NIPBL: variants seen among roughly 807,000 people sequenced by gnomAD.
NIPBL encodes the protein nipped-B-like protein.
In NIPBL, 19 loss-of-function variants were observed where a neutral mutation model predicts 321.8. That is an observed-to-expected ratio of 0.06 (90% confidence interval 0.04 to 0.09). The LOEUF is 0.09. NIPBL is among the 10% of genes least tolerant of loss of function. NIPBL has a pLI of 1.00. For missense variants in NIPBL, 2,210 were observed against 3,327.0 expected (o/e 0.66, Z 8.26); for synonymous variants, 1,106 against 1,114.1 (o/e 0.99, Z 0.14).
At chr5:36,901,176 A>G (rs182162766) in intron 1 of NIPBL, among the ~76,000 whole-genome samples, 2 of 152,292 alleles carry the variant, frequency 1.3e-5, no homozygotes, top group African/African-American at 4.8e-5. Flanking sequence ...GCTCCCACTT[A>G]CAAGAGATAA....
At chr5:36,901,144 G>T (rs1191564737) in intron 1 of NIPBL, among the ~76,000 whole-genome samples, 1 of 152,100 alleles carries the variant, frequency 6.6e-6, no homozygotes, top group African/African-American at 2.4e-5. Flanking sequence ...CCTTCTTTGT[G>T]TCCATCTGTG....
At chr5:36,911,843 A>G (rs1333398417) in intron 1 of NIPBL, among the ~76,000 whole-genome samples, 1 of 152,216 alleles carries the variant, frequency 6.6e-6, no homozygotes, top group East Asian at 1.9e-4. Flanking sequence ...TTAGGAAAGC[A>G]ATGTATTGAA....
chr5:36,996,116 T>C lies in NIPBL; in HGVS notation c.3304+312T>C, dbSNP rs552395075. ...TGAGAGTAAAAATGCAAATAAGATATGGCCCCTGTCTTCAAAGAGCCTTCA... is the reference window on the plus strand; with the variant it reads ...TGAGAGTAAAAATGCAAATAAGATACGGCCCCTGTCTTCAAAGAGCCTTCA... On this transcript the variant is annotated intron_variant, in intron 11 of 46. Transcript: ENST00000282516. This position sits in a 1 kb window ranked among gnomAD's most constrained non-coding sequence, Gnocchi z 5.0. Among the ~76,000 whole-genome samples the C allele has an allele frequency of 1.3e-5, 2 of 152,286 alleles. No homozygotes were observed. Among genetic ancestry groups the C allele is most frequent in the African/African-American group, 2.4e-5 (1 of 41,564 alleles).
intron 1 of NIPBL, among the ~76,000 whole-genome samples, chr5:36,882,347 T>C (rs992037708): frequency 6.6e-6 from 1 of 151,860 alleles, no homozygotes; most frequent in African/African-American, 2.4e-5. Flanking sequence ...TGACAGAAAC[T>C]GTGCGAGGGA....
Position 37,055,222 on chromosome 5 carries a change from G to A in NIPBL, c.7264-1964G>A, listed in dbSNP as rs574931329. 3.3e-5 allele frequency among the ~76,000 whole-genome samples: 5 copies of A among 152,058 alleles called. No individual in the cohort carries two copies. In the East Asian group the frequency reaches 7.8e-4, roughly 24 times the overall value. The stretch of plus-strand genomic sequence containing the variant: ...AAAAATTAGCCAGGCATGATGGCGC[G>A]CACCTGTAGTCCCAGCTACTTGGGA... On this transcript the variant is annotated intron_variant, in intron 42 of 46. Transcript: ENST00000282516.
At chr5:36,960,562 C>T (rs1028698722) in intron 4 of NIPBL, among the ~76,000 whole-genome samples, 4 of 152,116 alleles carry the variant, frequency 2.6e-5, no homozygotes, top group East Asian at 1.9e-4. Flanking sequence ...CATTCAGCTA[C>T]AATCTCTTTT....
At position 37,006,332 on chromosome 5, in the gene NIPBL, TTTCATTAACAA is replaced by T. The variant is rs748846456; in HGVS notation, c.3856-23_3856-13del. On this transcript the variant is annotated splice_polypyrimidine_tract_variant and intron_variant, in intron 16 of 46. Transcript: ENST00000282516. ...AAACCTATAAATGTGTTTATTTCCA[TTTCATTAACAA>T]TACTGTTTTACAGAATAACGATACT... is the stretch of plus-strand genomic sequence containing the variant. The T allele has an allele frequency of 4.8e-6, 6 of 1,247,816 alleles. No homozygotes were observed. The African/African-American group carries it at 5.9e-5, about 12-fold the overall frequency. The allele number at this position is 1,247,816 out of a possible 1,614,324, so 77.3% of individuals were successfully genotyped here. A position where few individuals can be genotyped will look rare whatever the true frequency, so the allele number is the denominator to read the frequency against.
chr5:36,896,265 C>A (rs886178718), intron 1 of NIPBL, among the ~76,000 whole-genome samples: 1 of 152,180 alleles, frequency 6.6e-6, no homozygotes, highest in Non-Finnish European at 1.5e-5. Flanking sequence ...TTTTGGCTCT[C>A]AATTTTATTC....
intron 21 of NIPBL, among the ~76,000 whole-genome samples, chr5:37,012,779 G>A (rs933613811): frequency 3.3e-5 from 5 of 152,186 alleles, no homozygotes; most frequent in Middle Eastern, 3.4e-3. Context: ...CACAGGGTTG[G>A]GGGTAAGGTC....
intron 1 of NIPBL, among the ~76,000 whole-genome samples, chr5:36,898,605 A>T (rs548440079): frequency 6.8e-6 from 1 of 147,398 alleles, no homozygotes; most frequent in Non-Finnish European, 1.5e-5. Context: ...TCCGCCTCCC[A>T]GGTTCAAGTG....
chr5:36,885,665 G>A, intron 1 of NIPBL: 1 of 563,004 alleles, frequency 1.8e-6, no homozygotes, highest in Non-Finnish European at 3.4e-6. Flanking sequence ...TCTGCAGATT[G>A]ACAATGCCTA....
chr5:37,003,161 A>G (rs1235974841), intron 15 of NIPBL, 100 bp from the exon 16 acceptor site: 2 of 772,894 alleles, frequency 2.6e-6, no homozygotes, highest in South Asian at 1.6e-5. Context: ...TGACAATGCT[A>G]TTTCCTCCAT....
chr5:36,916,150 C>T (rs994314344), intron 1 of NIPBL, among the ~76,000 whole-genome samples: 4 of 152,164 alleles, frequency 2.6e-5, no homozygotes, highest in African/African-American at 7.2e-5. Flanking sequence ...TATACTTTAT[C>T]CAAATTTGAA....
At chr5:36,902,305 TTGAAGTCTTCATCATGAAATC>T in intron 1 of NIPBL, among the ~76,000 whole-genome samples, 1 of 152,326 alleles carries the variant, frequency 6.6e-6, no homozygotes, top group East Asian at 1.9e-4. Flanking sequence ...GCAGTTGCTT[TTGAAGTCTTCATCATGAAATC>T]TTTGCCAGGG....
At chr5:36,962,604 CA>C (rs753445872) in intron 6 of NIPBL, among the ~76,000 whole-genome samples, 1 of 152,140 alleles carries the variant, frequency 6.6e-6, no homozygotes, top group Non-Finnish European at 1.5e-5. Flanking sequence ...AGCCAAGGGA[CA>C]ATTACATTTT....
chr5:36,930,809 T>C (rs1446980468), intron 1 of NIPBL, among the ~76,000 whole-genome samples: 1 of 152,170 alleles, frequency 6.6e-6, no homozygotes, highest in Non-Finnish European at 1.5e-5. Flanking sequence ...GTAGCTTTAG[T>C]TGCTATTTCT....
intron 1 of NIPBL, among the ~76,000 whole-genome samples, chr5:36,907,112 A>G (rs1302914493): frequency 6.6e-6 from 1 of 152,212 alleles, no homozygotes; most frequent in Admixed American, 6.5e-5. Context: ...TTCTTACTCC[A>G]CATCTTGTTA....
chr5:36,928,550 C>G (rs1749536177), intron 1 of NIPBL, among the ~76,000 whole-genome samples: 1 of 152,130 alleles, frequency 6.6e-6, no homozygotes, highest in African/African-American at 2.4e-5. Context: ...TTTTACTTTA[C>G]AACGTTATTG....
intron 2 of NIPBL, among the ~76,000 whole-genome samples, 180 bp downstream of exon 2, chr5:36,953,940 T>A (rs1006718010): frequency 3.9e-5 from 6 of 152,204 alleles, no homozygotes; most frequent in Non-Finnish European, 8.8e-5. Context: ...TTAGTGATGT[T>A]TATTTTGGTT....
Sources: gnomAD v4.1 joint callset for allele counts (sites outside exome capture counted in the v4.1 genomes callset) on GRCh38, gnomAD v4.1.1 for gene constraint, Gnocchi (gnomAD v3.1) non-coding constraint, MANE v1.5 for transcripts, NCBI Gene and HGNC (gene_info 2026-07-23, HGNC 2026-07-21) for gene names.